The following NUCKS1 variants were observed in gnomAD, a reference collection of about 807,000 sequenced individuals.
The protein encoded by NUCKS1 is nuclear ubiquitous casein and cyclin-dependent kinase substrate 1.
In NUCKS1, 2 loss-of-function variants were observed where a neutral mutation model predicts 33.0. The ratio of observed to expected loss-of-function variants is 0.06; its 90% confidence interval spans 0.02 to 0.19. The LOEUF (loss-of-function observed/expected upper bound fraction) is 0.19. NUCKS1 is among the 10% of genes least tolerant of loss of function. The pLI, the probability that NUCKS1 is intolerant of heterozygous loss-of-function variation, is 1.00. For synonymous variants in NUCKS1, 106 were observed against 102.8 expected (o/e 1.03, Z -0.19); for missense variants, 201 against 293.6 (o/e 0.68, Z 2.31).
rs376759057 is a variant in NUCKS1, at chr1:205,750,026, C to T, written c.-53G>A. The T allele has an allele frequency of 4.9e-5, 49 of 1,004,706 alleles. No individual in the cohort carries two copies. The highest frequency in any genetic ancestry group is 2.0e-4 in the Admixed American group (9 of 43,942). 62.2% of individuals were successfully genotyped at this position (1,004,706 alleles called of 1,614,324 possible). The stretch of plus-strand genomic sequence containing the variant: ...AGAAGCCAAAGACCAGGACCCCCCC[C>T]ACCCCGCGCGCTCGGCGCCCCACCC... On this transcript the variant is annotated 5_prime_UTR_variant, in exon 1 of 7. Coordinates refer to ENST00000367142, the MANE Select transcript of NUCKS1 (RefSeq NM_022731.5).
intron 1 of NUCKS1, among the ~76,000 whole-genome samples, chr1:205,730,256 A>T (rs1653876114): frequency 6.6e-6 from 1 of 151,874 alleles, no homozygotes; most frequent in South Asian, 2.1e-4. Flanking sequence ...GGTGTTGCCC[A>T]GGCTGGTCTC....
intron 1 of NUCKS1, among the ~76,000 whole-genome samples, chr1:205,731,617 C>A (rs1571578884): frequency 6.6e-6 from 1 of 152,130 alleles, no homozygotes; most frequent in Admixed American, 6.6e-5. Context: ...ATAGGCCAGG[C>A]GCAGTGGCTC....
chr1:205,734,053 T>G (rs1422488743), intron 1 of NUCKS1, among the ~76,000 whole-genome samples: 1 of 152,072 alleles, frequency 6.6e-6, no homozygotes, highest in Non-Finnish European at 1.5e-5. Flanking sequence ...AACAATTTTT[T>G]TTTTTTGTAG....
intron 1 of NUCKS1, among the ~76,000 whole-genome samples, chr1:205,748,128 C>T (rs1377028738): frequency 6.6e-6 from 1 of 152,006 alleles, no homozygotes. Context: ...CTCCAAAAAA[C>T]TGATAGAATG....
At chr1:205,743,121 G>A (rs1654221211) in intron 1 of NUCKS1, among the ~76,000 whole-genome samples, 1 of 152,146 alleles carries the variant, frequency 6.6e-6, no homozygotes, top group Non-Finnish European at 1.5e-5. Context: ...TGTAGAATGC[G>A]TAGGCGCAGT....
In NUCKS1 at chr1:205,719,113, G is replaced by T. The variant is rs949282060; in HGVS notation, c.532+414C>A. 1.8e-4 allele frequency among the ~76,000 whole-genome samples: 27 copies of T among 152,204 alleles called. 1 individual carries two copies. The highest frequency in any genetic ancestry group is 6.5e-4 in the African/African-American group (27 of 41,448). ...TTATTCTGATAGCACAGAGGATGGG[G>T]TAGAGTTCAGAACGTGGAACTTAAA... On this transcript the variant is annotated intron_variant, in intron 6 of 6. Coordinates refer to ENST00000367142, the MANE Select transcript of NUCKS1 (RefSeq NM_022731.5).
chr1:205,734,080 T>C (rs1264739472), intron 1 of NUCKS1, among the ~76,000 whole-genome samples: 1 of 152,104 alleles, frequency 6.6e-6, no homozygotes, highest in East Asian at 1.9e-4. Flanking sequence ...GGCCTTTCTA[T>C]GTTTCCCATG....
In NUCKS1 at chr1:205,712,943, C is replaced by T. The variant is rs913462623; in HGVS notation, c.*5337G>A. The T allele has an allele frequency of 2.0e-5, 3 of 152,230 alleles. No individual in the cohort carries two copies. The highest frequency in any genetic ancestry group is 7.2e-5 in the African/African-American group (3 of 41,460). 9.4% of individuals were successfully genotyped at this position (152,230 alleles called of 1,614,324 possible). A position where few individuals can be genotyped will look rare whatever the true frequency, so the allele number is the denominator to read the frequency against. On this transcript the variant is annotated 3_prime_UTR_variant, in exon 7 of 7. Transcript: ENST00000367142. The stretch of plus-strand genomic sequence containing the variant: ...AATTAAGAATCCTTACGCACCCAGT[C>T]CAGTGCTCCCTTAATTAATCAAACT...
chr1:205,744,253 A>G (rs528436988), intron 1 of NUCKS1, among the ~76,000 whole-genome samples: 4 of 152,360 alleles, frequency 2.6e-5, no homozygotes, highest in African/African-American at 9.6e-5. Context: ...TCACAGTGGG[A>G]TACAAATTCC....
At chr1:205,729,478 G>C (rs1274295986) in intron 2 of NUCKS1, 94 bp downstream of exon 2, 1 of 912,088 alleles carries the variant, frequency 1.1e-6, no homozygotes, top group Non-Finnish European at 1.8e-6. Flanking sequence ...AAATAAAAAA[G>C]TAAAACTTAT....
chr1:205,718,154 A>C lies in NUCKS1; in HGVS notation c.*126T>G. The C allele has an allele frequency of 7.5e-7, 1 of 1,330,660 alleles. No homozygotes were observed. The highest frequency in any genetic ancestry group is 9.6e-7 in the Non-Finnish European group (1 of 1,044,990). 82.4% of individuals were successfully genotyped at this position (1,330,660 alleles called of 1,614,324 possible). On this transcript the variant is annotated 3_prime_UTR_variant, in exon 7 of 7. Transcript: ENST00000367142. ...TCAACAAATGGAAAAAAGCACTGAA[A>C]GCCCATGAGTCAAGCCATAGCCAAA...
rs188236363 is a variant in NUCKS1, at chr1:205,736,788, G to A, written c.18-7167C>T. Among the ~76,000 whole-genome samples the A allele has an allele frequency of 1.8e-3, 275 of 150,524 alleles. 1 individual carries two copies. The highest frequency in any genetic ancestry group is 6.2e-3 in the African/African-American group (255 of 40,884). On this transcript the variant is annotated intron_variant, in intron 1 of 6. Coordinates refer to ENST00000367142, the MANE Select transcript of NUCKS1 (RefSeq NM_022731.5). ...GGAGTTTGCAGTGAGCCGAGATCACGCCACTGCACTCCAGCCTGGGTGACA... is the reference window on the plus strand; with the variant it reads ...GGAGTTTGCAGTGAGCCGAGATCACACCACTGCACTCCAGCCTGGGTGACA...
intron 1 of NUCKS1, among the ~76,000 whole-genome samples, chr1:205,732,177 GT>G (rs1653931076): frequency 6.6e-6 from 1 of 151,996 alleles, no homozygotes; most frequent in Non-Finnish European, 1.5e-5. Flanking sequence ...TCCACCTTCT[GT>G]TTTTCTTTAG....
rs975225112 is a variant in NUCKS1 at position 205,717,393 on chromosome 1, G to C, written c.*887C>G. On this transcript the variant is annotated 3_prime_UTR_variant, in exon 7 of 7. Transcript: ENST00000367142. ...GACTGATCTTGTTGATTAAATTCTA[G>C]GGTTTTTTTTTTTTTGGATTCTTGG... 1.1e-6 allele frequency: 1 copy of C among 943,502 alleles called. No homozygotes were observed. The highest frequency in any genetic ancestry group is 1.8e-5 in the African/African-American group (1 of 54,708). The allele number at this position is 943,502 out of a possible 1,614,324, so 58.4% of individuals were successfully genotyped here.
At chr1:205,731,941 C>T in intron 1 of NUCKS1, among the ~76,000 whole-genome samples, 1 of 151,714 alleles carries the variant, frequency 6.6e-6, no homozygotes, top group East Asian at 1.9e-4. Flanking sequence ...ACCACCTATA[C>T]TTAAACCTGA....
chr1:205,720,193 C>A (rs567636535), intron 5 of NUCKS1, among the ~76,000 whole-genome samples: 2 of 152,260 alleles, frequency 1.3e-5, no homozygotes, highest in East Asian at 3.9e-4. Context: ...TCCACCAGGG[C>A]AAAATACAAA....
intron 6 of NUCKS1, among the ~76,000 whole-genome samples, chr1:205,719,044 A>G (rs1157642565): frequency 2.0e-5 from 3 of 152,206 alleles, no homozygotes; most frequent in African/African-American, 7.2e-5. Context: ...AGGAGAAACC[A>G]TTAGGGCTCA....
chr1:205,747,445 T>C (rs1193009951), intron 1 of NUCKS1, among the ~76,000 whole-genome samples: 1 of 152,230 alleles, frequency 6.6e-6, no homozygotes, highest in Non-Finnish European at 1.5e-5. Flanking sequence ...CATAACGTGC[T>C]AGACACAGGT....
chr1:205,719,410 G>A, intron 6 of NUCKS1, 117 bp downstream of exon 6: 1 of 1,011,206 alleles, frequency 9.9e-7, no homozygotes, highest in Non-Finnish European at 1.5e-6. Flanking sequence ...TAGATTTCTT[G>A]TATTCCTGCT....
Sources: gnomAD v4.1 joint callset for allele counts (sites outside exome capture counted in the v4.1 genomes callset) on GRCh38, gnomAD v4.1.1 for gene constraint, MANE v1.5 for transcripts, NCBI Gene and HGNC (gene_info 2026-07-23, HGNC 2026-07-21) for gene names.